Variants in CDH23 observed in about 807,000 individuals in gnomAD.
The protein encoded by CDH23 is cadherin-23.
A neutral mutation model predicts 317.1 loss-of-function variants in CDH23; 189 were observed. That is an observed-to-expected ratio of 0.60 (90% CI 0.53 to 0.67). The LOEUF is 0.67. CDH23 is among the 30% of genes least tolerant of loss of function. The probability of loss-of-function intolerance (pLI) is 0.00; values close to 1 mark genes in which losing one functional copy is unlikely to be tolerated. For missense variants in CDH23, 4,401 were observed against 4,592.4 expected (o/e 0.96, Z 1.20); for synonymous variants, 1,839 against 1,876.8 (o/e 0.98, Z 0.52).
At chr10:71,448,097 C>T (rs1243578935) in intron 3 of CDH23, among the ~76,000 whole-genome samples, 5 of 152,292 alleles carry the variant, frequency 3.3e-5, no homozygotes, top group African/African-American at 1.2e-4. Flanking sequence ...AAGTGAAGGC[C>T]CCTCTCAAGT....
intron 6 of CDH23, among the ~76,000 whole-genome samples, chr10:71,544,972 G>T (rs58103374): frequency 6.6e-6 from 1 of 152,158 alleles, no homozygotes; most frequent in Non-Finnish European, 1.5e-5. Flanking sequence ...GTGCCCTGGG[G>T]TAACCCTGGG....
At chr10:71,517,503 G>A (rs1854398462) in intron 6 of CDH23, among the ~76,000 whole-genome samples, 1 of 152,208 alleles carries the variant, frequency 6.6e-6, no homozygotes, top group African/African-American at 2.4e-5. Context: ...CACATGGCGT[G>A]CCTGTCAGAT....
chr10:71,667,359 A>AGAGAGTGTGTGTGTGT (rs58361666), intron 14 of CDH23, among the ~76,000 whole-genome samples: 1 of 112,116 alleles, frequency 8.9e-6, no homozygotes, highest in East Asian at 2.9e-4. Context: ...AGAGAGAGAG[A>AGAGAGTGTGTGTGTGT]GTGTGTGTGT....
rs867509950 is a variant in CDH23, at chr10:71,759,930, C to T, written c.4846-17750C>T. On this transcript the variant is annotated intron_variant, in intron 38 of 69. Transcript: ENST00000224721. ...ACACACACACATATATACACACACA[C>T]ATATATACACACACACATATATATA... 2.5e-3 allele frequency among the ~76,000 whole-genome samples: 135 copies of T among 54,466 alleles called. 3 individuals carry two copies. The highest frequency in any genetic ancestry group is 4.4e-3 in the South Asian group (7 of 1,592). 35.7% of individuals were successfully genotyped at this position (54,466 alleles called of 152,430 possible). A position where few individuals can be genotyped will look rare whatever the true frequency, so the allele number is the denominator to read the frequency against.
At chr10:71,799,740 A>G in intron 52 of CDH23, 111 bp downstream of exon 52, 1 of 1,429,768 alleles carries the variant, frequency 7.0e-7, no homozygotes, top group Non-Finnish European at 9.7e-7. Context: ...TCGCCTGGAC[A>G]TCTGCATCCC....
At chr10:71,492,911 A>G (rs952033074) in intron 3 of CDH23, among the ~76,000 whole-genome samples, 1 of 152,138 alleles carries the variant, frequency 6.6e-6, no homozygotes, top group Non-Finnish European at 1.5e-5. Flanking sequence ...CCCCTGCCAC[A>G]GCTTCTTAGG....
intron 2 of CDH23, among the ~76,000 whole-genome samples, chr10:71,444,837 G>A (rs1374574076): frequency 3.3e-5 from 5 of 152,194 alleles, no homozygotes; most frequent in Non-Finnish European, 5.9e-5. Context: ...CCACACTCAG[G>A]GCCCCTGGAG....
intron 45 of CDH23, among the ~76,000 whole-genome samples, 190 bp from the exon 46 acceptor site, chr10:71,790,098 G>A (rs551296970): frequency 2.6e-5 from 4 of 152,300 alleles, no homozygotes; most frequent in South Asian, 4.1e-4. Flanking sequence ...CTTTGAGGCC[G>A]CTCCCCAGGC....
intron 1 of CDH23, among the ~76,000 whole-genome samples, chr10:71,431,095 G>A (rs1196518477): frequency 6.6e-6 from 1 of 152,190 alleles, no homozygotes; most frequent in African/African-American, 2.4e-5. Context: ...TTGTGGGATG[G>A]GGAGACAGGA....
intron 6 of CDH23, among the ~76,000 whole-genome samples, chr10:71,513,553 T>G (rs1397296261): frequency 6.6e-6 from 1 of 152,142 alleles, no homozygotes; most frequent in Non-Finnish European, 1.5e-5. Context: ...CTGCAGACCC[T>G]GTTAGGTGTG....
At chr10:71,496,962 GGA>G (rs1432094007) in intron 3 of CDH23, among the ~76,000 whole-genome samples, 1 of 152,150 alleles carries the variant, frequency 6.6e-6, no homozygotes, top group African/African-American at 2.4e-5. Context: ...GCCTCGTAGT[GGA>G]GAGTCATCCT....
intron 25 of CDH23, among the ~76,000 whole-genome samples, chr10:71,706,550 C>T (rs151013881): frequency 0.016 from 2,422 of 152,340 alleles, 42 homozygotes; most frequent in South Asian, 0.051. Flanking sequence ...TGGTCACTGT[C>T]GTCATCGTTG....
chr10:71,422,552 A>G (rs1411665399), intron 1 of CDH23, among the ~76,000 whole-genome samples: 1 of 152,232 alleles, frequency 6.6e-6, no homozygotes, highest in African/African-American at 2.4e-5. Context: ...TGAAATGAGC[A>G]GCATGCTGAG....
chr10:71,421,538 GA>G (rs763641134), intron 1 of CDH23, among the ~76,000 whole-genome samples: 5 of 152,144 alleles, frequency 3.3e-5, no homozygotes, highest in Non-Finnish European at 7.3e-5. Flanking sequence ...TGAAAGCTGG[GA>G]AAATACAAAA....
chr10:71,500,890 G>C (rs1211115840), intron 3 of CDH23, among the ~76,000 whole-genome samples: 1 of 145,256 alleles, frequency 6.9e-6, no homozygotes, highest in Non-Finnish European at 1.5e-5. Flanking sequence ...TTTGTTTTGA[G>C]ACAGAGTCTC....
At chr10:71,407,610 G>T (rs114467263) in intron 1 of CDH23, among the ~76,000 whole-genome samples, 2 of 152,094 alleles carry the variant, frequency 1.3e-5, no homozygotes, top group African/African-American at 4.8e-5. Context: ...ACCTTTCCCC[G>T]CCATTGGCCA....
intron 6 of CDH23, among the ~76,000 whole-genome samples, chr10:71,519,306 T>C (rs1854523390): frequency 6.6e-6 from 1 of 152,344 alleles, no homozygotes; most frequent in African/African-American, 2.4e-5. Flanking sequence ...TGCTGCAGTG[T>C]TGGGCTGTCA....
chr10:71,769,867 C>T (rs915961746), intron 38 of CDH23, among the ~76,000 whole-genome samples: 10 of 152,116 alleles, frequency 6.6e-5, no homozygotes, highest in Admixed American at 3.9e-4. Context: ...GTGAATGGAC[C>T]GAATGTAAAA....
chr10:71,636,385 G>A (rs1196585255), intron 11 of CDH23, among the ~76,000 whole-genome samples: 3 of 152,172 alleles, frequency 2.0e-5, no homozygotes, highest in African/African-American at 7.2e-5. Context: ...GCTGGGCATA[G>A]TGGTGCACAC....
Sources: allele counts gnomAD v4.1 joint callset (sites outside exome capture counted in the v4.1 genomes callset), GRCh38; gene constraint gnomAD v4.1.1; transcripts MANE v1.5; gene names NCBI Gene and HGNC (gene_info 2026-07-23, HGNC 2026-07-21).